The following CLASP2 variants were observed in gnomAD, a reference collection of about 807,000 sequenced individuals.
CLASP2 encodes CLIP-associating protein 2.
A neutral mutation model predicts 194.4 loss-of-function variants in CLASP2; 47 were observed. The observed-to-expected ratio is 0.24, with a 90% confidence interval of 0.19 to 0.31. The LOEUF is 0.31. Ranked by LOEUF, CLASP2 falls within the 10% of genes least tolerant of loss-of-function variation. CLASP2 has a pLI of 1.00. For synonymous variants in CLASP2, 619 were observed against 633.5 expected, an observed-to-expected ratio of 0.98 and a Z score of 0.34; for missense variants, 1,445 against 1,823.6, an observed-to-expected ratio of 0.79 and a Z score of 3.78.
intron 1 of CLASP2, among the ~76,000 whole-genome samples, chr3:33,706,034 C>T (rs1205934284): frequency 2.0e-5 from 3 of 152,276 alleles, no homozygotes; most frequent in East Asian, 1.9e-4. Flanking sequence ...GGAAGCATCA[C>T]CTGAGCCCAG....
chr3:33,698,352 C>T (rs964176970), intron 1 of CLASP2, among the ~76,000 whole-genome samples: 18 of 152,116 alleles, frequency 1.2e-4, no homozygotes, highest in African/African-American at 4.1e-4. Context: ...AATTAAAGGT[C>T]TCTAGTTGGG....
intron 8 of CLASP2, among the ~76,000 whole-genome samples, chr3:33,643,203 T>C (rs530032358): frequency 6.6e-6 from 1 of 151,892 alleles, no homozygotes; most frequent in South Asian, 2.1e-4. Flanking sequence ...CGAAAAAAAA[T>C]TATAAGCCAC....
chr3:33,528,168 T>C (rs766762579), intron 34 of CLASP2, among the ~76,000 whole-genome samples: 3 of 152,112 alleles, frequency 2.0e-5, no homozygotes, highest in African/African-American at 7.2e-5. Context: ...ATTCATCACA[T>C]ATACAGAACT....
chr3:33,530,562 A>G (rs771641357), intron 34 of CLASP2, among the ~76,000 whole-genome samples: 5 of 152,238 alleles, frequency 3.3e-5, no homozygotes, highest in East Asian at 1.9e-4. Flanking sequence ...TGTATGTGCT[A>G]TATTTTTATA....
At chr3:33,638,165 C>T (rs1301138166) in intron 8 of CLASP2, among the ~76,000 whole-genome samples, 1 of 152,008 alleles carries the variant, frequency 6.6e-6, no homozygotes, top group Admixed American at 6.6e-5. Context: ...CGGAGTAATA[C>T]GTGGAAGGGT....
intron 7 of CLASP2, chr3:33,659,045 T>C (rs2084818453): frequency 1.3e-6 from 2 of 1,534,458 alleles, no homozygotes; most frequent in East Asian, 2.4e-5. Flanking sequence ...AGCAAATAAG[T>C]ACAGCTCAGT....
intron 27 of CLASP2, 32 bp from the exon 28 acceptor site, chr3:33,561,003 A>G (rs764869951): frequency 1.3e-6 from 2 of 1,585,878 alleles, no homozygotes; most frequent in Non-Finnish European, 1.7e-6. Flanking sequence ...GGTAGGGAGA[A>G]AAAAAGAGGA....
intron 4 of CLASP2, among the ~76,000 whole-genome samples, chr3:33,687,992 G>C (rs921571636): frequency 6.6e-6 from 1 of 152,186 alleles, no homozygotes; most frequent in Admixed American, 6.5e-5. Context: ...AACAGAAGTA[G>C]ATACTAAGTT....
At chr3:33,505,824 C>T (rs1305626250) in intron 37 of CLASP2, among the ~76,000 whole-genome samples, 1 of 152,022 alleles carries the variant, frequency 6.6e-6, no homozygotes, top group Non-Finnish European at 1.5e-5. Context: ...GAGGTGGAGG[C>T]AGGAGGACTG....
At chr3:33,621,002 T>A (rs1436771782) in intron 11 of CLASP2, among the ~76,000 whole-genome samples, 30 of 32,238 alleles carry the variant, frequency 9.3e-4, no homozygotes, top group African/African-American at 4.6e-3. Context: ...GCTCTTTGTG[T>A]GTGTGTGTGT....
At chr3:33,547,661 G>A (rs773674021) in intron 30 of CLASP2, among the ~76,000 whole-genome samples, 3 of 152,100 alleles carry the variant, frequency 2.0e-5, no homozygotes, top group Non-Finnish European at 4.4e-5. Context: ...GAATAAACTG[G>A]GAAGTGTTCC....
chr3:33,601,534 G>C (rs2072208128), intron 18 of CLASP2, among the ~76,000 whole-genome samples: 1 of 151,814 alleles, frequency 6.6e-6, no homozygotes. Context: ...TTTAGTTTTT[G>C]CTTAAGATTT....
At chr3:33,593,599 T>A (rs1395475562) in intron 20 of CLASP2, among the ~76,000 whole-genome samples, 3 of 152,182 alleles carry the variant, frequency 2.0e-5, no homozygotes, top group African/African-American at 4.8e-5. Context: ...ATTGGTAGAA[T>A]ACCAGCATAC....
chr3:33,573,119 C>T lies in CLASP2; in HGVS notation c.2690G>A (p.Arg897Lys), dbSNP rs1362065184. The change falls in exon 25 of 39, where the codon AGA becomes AAA. Residue 897 changes from arginine to lysine, a missense_variant. By Grantham distance (26) the Arg-to-Lys change is conservative. Transcript: ENST00000682230. ...AGACAACGCATCTCACCTTAGTGTT[C>T]TCTGATTTTTTAATAAGTTCTGCAG... ...LGLQNLLKNQ[R>K]TLSRVELKRL... is the part of the protein sequence containing the mutation. 1 of 1,613,582 alleles carries T rather than the reference C, an allele frequency of 6.2e-7. No individual in the cohort carries two copies. Among genetic ancestry groups the T allele is most frequent in the East Asian group, 2.2e-5 (1 of 44,854 alleles).
At chr3:33,669,756 G>T (rs1409847737) in intron 6 of CLASP2, among the ~76,000 whole-genome samples, 3 of 151,976 alleles carry the variant, frequency 2.0e-5, no homozygotes, top group Non-Finnish European at 4.4e-5. Flanking sequence ...GTAAAAATAA[G>T]CCTAACAATA....
intron 37 of CLASP2, 118 bp from the exon 38 acceptor site, chr3:33,501,886 A>C (rs556936445): frequency 3.0e-6 from 2 of 675,772 alleles, no homozygotes; most frequent in African/African-American, 3.6e-5. Flanking sequence ...AGGAGAGAAA[A>C]GTGCAGATCA....
rs1158472815 is a variant in CLASP2 at position 33,696,947 on chromosome 3, G to C, written c.196-14C>G. On this transcript the variant is annotated splice_polypyrimidine_tract_variant and intron_variant, in intron 1 of 38. Transcript: ENST00000682230. ...CATTAATGATACCTACAGATAAAAA[G>C]GGATTTTAATGAATATAAATTACTG... is the stretch of plus-strand genomic sequence containing the variant. 2 of 1,473,300 alleles carry C rather than the reference G, an allele frequency of 1.4e-6. No individual in the cohort carries two copies. Among genetic ancestry groups the C allele is most frequent in the South Asian group, 2.4e-5 (2 of 81,970 alleles). 91.3% of individuals were successfully genotyped at this position (1,473,300 alleles called of 1,614,324 possible). A position where few individuals can be genotyped will look rare whatever the true frequency, so the allele number is the denominator to read the frequency against.
chr3:33,641,068 C>T (rs2081189900), intron 8 of CLASP2, among the ~76,000 whole-genome samples: 1 of 151,978 alleles, frequency 6.6e-6, no homozygotes, highest in Admixed American at 6.5e-5. Flanking sequence ...TGGCAGGTTA[C>T]TTCTCCAAAT....
chr3:33,619,045 G>A (rs1181377593), intron 12 of CLASP2, among the ~76,000 whole-genome samples: 1 of 152,174 alleles, frequency 6.6e-6, no homozygotes, highest in African/African-American at 2.4e-5. Context: ...CTACGAACCT[G>A]TAGCTGAATT....
Sources: gnomAD v4.1 joint callset for allele counts (sites outside exome capture counted in the v4.1 genomes callset) on GRCh38, gnomAD v4.1.1 for gene constraint, MANE v1.5 for transcripts, NCBI Gene and HGNC (gene_info 2026-07-23, HGNC 2026-07-21) for gene names.